GABRG3: variants seen among roughly 807,000 people sequenced by gnomAD.
GABRG3 encodes gamma-aminobutyric acid receptor subunit gamma-3.
A neutral mutation model predicts 48.8 loss-of-function variants in GABRG3; 25 were observed. That is an observed-to-expected ratio of 0.51 (90% CI 0.37 to 0.72). GABRG3 has a LOEUF of 0.72. Among genes scored for constraint, GABRG3 ranks in the 30% least tolerant of loss-of-function variants. The pLI is 0.00. For missense variants in GABRG3, 394 were observed against 577.9 expected, an observed-to-expected ratio of 0.68 and a Z score of 3.26; for synonymous variants, 227 against 217.6, an observed-to-expected ratio of 1.04 and a Z score of -0.38.
intron 5 of GABRG3, chr15:27,350,065 A>G (rs959759260): frequency 6.8e-5 from 31 of 455,638 alleles, no homozygotes; most frequent in Non-Finnish European, 1.2e-4. Context: ...ATACACACAA[A>G]ATCTCTAATT....
chr15:27,003,316 C>T (rs2140658279), intron 2 of GABRG3, among the ~76,000 whole-genome samples: 1 of 151,280 alleles, frequency 6.6e-6, no homozygotes, highest in South Asian at 2.1e-4. Flanking sequence ...GGAAGGTCAG[C>T]AGATAAACAA....
intron 5 of GABRG3, among the ~76,000 whole-genome samples, chr15:27,400,631 A>G (rs1441904722): frequency 6.6e-6 from 1 of 152,216 alleles, no homozygotes. Flanking sequence ...TTAGAGCTGT[A>G]TAACCCCATT....
chr15:27,459,758 ACC>A (rs1025538549), intron 5 of GABRG3, among the ~76,000 whole-genome samples: 13 of 152,290 alleles, frequency 8.5e-5, no homozygotes, highest in African/African-American at 3.1e-4. Context: ...GTGCACACAC[ACC>A]CACACTTCCT....
intron 5 of GABRG3, among the ~76,000 whole-genome samples, chr15:27,409,048 A>G (rs1448167388): frequency 6.6e-6 from 1 of 152,066 alleles, no homozygotes; most frequent in East Asian, 1.9e-4. Flanking sequence ...TTTTCTAAAT[A>G]TGTCTGTAGC....
At chr15:27,184,470 A>G (rs1047741182) in intron 3 of GABRG3, among the ~76,000 whole-genome samples, 2 of 152,202 alleles carry the variant, frequency 1.3e-5, no homozygotes, top group Non-Finnish European at 2.9e-5. Context: ...GGGGTGGCAT[A>G]TTCTCATCTT....
chr15:27,199,085 G>A (rs556305684), intron 3 of GABRG3, among the ~76,000 whole-genome samples: 6 of 152,188 alleles, frequency 3.9e-5, no homozygotes, highest in Admixed American at 1.3e-4. Context: ...CATGGCATAT[G>A]TATACCTGTG....
chr15:27,517,728 C>A (rs183002802), intron 6 of GABRG3, among the ~76,000 whole-genome samples: 1 of 151,996 alleles, frequency 6.6e-6, no homozygotes, highest in Non-Finnish European at 1.5e-5. Flanking sequence ...CAATTTTATG[C>A]CAAAAATTAA....
chr15:27,532,158 A>T (rs1034549002), intron 9 of GABRG3, among the ~76,000 whole-genome samples: 11 of 152,228 alleles, frequency 7.2e-5, no homozygotes, highest in African/African-American at 2.7e-4. Context: ...ACCACAGAAA[A>T]GTAGGCAGAA....
intron 3 of GABRG3, among the ~76,000 whole-genome samples, chr15:27,270,797 A>T (rs976905594): frequency 6.6e-6 from 1 of 152,220 alleles, no homozygotes; most frequent in Admixed American, 6.5e-5. Context: ...TTTGATTATT[A>T]TACAGCTTAT....
At chr15:27,012,041 A>G (rs1595471508) in intron 2 of GABRG3, among the ~76,000 whole-genome samples, 1 of 152,214 alleles carries the variant, frequency 6.6e-6, no homozygotes, top group East Asian at 1.9e-4. Flanking sequence ...AAGCTTCCAT[A>G]TGCTATAATT....
chr15:27,076,889 T>C (rs779653255), intron 3 of GABRG3, among the ~76,000 whole-genome samples: 1 of 152,170 alleles, frequency 6.6e-6, no homozygotes, highest in Non-Finnish European at 1.5e-5. Flanking sequence ...GAGAAAAACA[T>C]TTTGTTGCTT....
intron 2 of GABRG3, among the ~76,000 whole-genome samples, chr15:27,022,608 G>T (rs1161825320): frequency 6.6e-6 from 1 of 152,150 alleles, no homozygotes; most frequent in African/African-American, 2.4e-5. Flanking sequence ...TTTTGACCAT[G>T]ACAGGATTCC....
intron 3 of GABRG3, among the ~76,000 whole-genome samples, chr15:27,036,378 G>C (rs149550065): frequency 6.6e-6 from 1 of 152,138 alleles, no homozygotes; most frequent in Non-Finnish European, 1.5e-5. Context: ...AGTAAGCAGG[G>C]AAATTGTGTA....
chr15:27,298,960 A>C (rs1892099053), intron 3 of GABRG3, among the ~76,000 whole-genome samples: 1 of 152,194 alleles, frequency 6.6e-6, no homozygotes, highest in African/African-American at 2.4e-5. Context: ...ACAACAACAA[A>C]AAATGCTTCA....
chr15:26,978,517 A>G (rs1566898380), intron 2 of GABRG3, among the ~76,000 whole-genome samples: 1 of 152,192 alleles, frequency 6.6e-6, no homozygotes, highest in Non-Finnish European at 1.5e-5. Context: ...TGTAAGATTT[A>G]GATCTAATTT....
At chr15:26,988,195 C>T (rs1257303266) in intron 2 of GABRG3, among the ~76,000 whole-genome samples, 1 of 152,086 alleles carries the variant, frequency 6.6e-6, no homozygotes, top group Non-Finnish European at 1.5e-5. Flanking sequence ...TTAAAGTCTA[C>T]TTGCTGCTTT....
At chr15:27,151,246 C>T (rs1321073934) in intron 3 of GABRG3, among the ~76,000 whole-genome samples, 2 of 152,092 alleles carry the variant, frequency 1.3e-5, no homozygotes, top group African/African-American at 2.4e-5. Context: ...CTCATGCTCT[C>T]ACTCCCTACT....
At chr15:27,108,427 C>G (rs757359988) in intron 3 of GABRG3, among the ~76,000 whole-genome samples, 26 of 152,032 alleles carry the variant, frequency 1.7e-4, no homozygotes, top group Non-Finnish European at 3.5e-4. Flanking sequence ...GATTTCTGTT[C>G]TTGTAAGTGT....
chr15:27,528,401 C>A (rs74551518), intron 9 of GABRG3, among the ~76,000 whole-genome samples: 1 of 152,174 alleles, frequency 6.6e-6, no homozygotes, highest in Non-Finnish European at 1.5e-5. Flanking sequence ...ATGACCATAT[C>A]ATATGCTCAT....
Sources: allele counts gnomAD v4.1 joint callset (sites outside exome capture counted in the v4.1 genomes callset), GRCh38; gene constraint gnomAD v4.1.1; transcripts MANE v1.5; gene names NCBI Gene and HGNC (gene_info 2026-07-23, HGNC 2026-07-21).